KCND3: variants seen among roughly 807,000 people sequenced by gnomAD.
KCND3 encodes A-type voltage-gated potassium channel KCND3.
A neutral mutation model predicts 51.1 loss-of-function variants in KCND3; 9 were observed. The ratio of observed to expected loss-of-function variants is 0.18; its 90% CI spans 0.11 to 0.31. The LOEUF (loss-of-function observed/expected upper bound fraction) is 0.31. Among genes scored for constraint, KCND3 ranks in the 10% least tolerant of loss-of-function variants. The probability of loss-of-function intolerance (pLI) is 1.00; values close to 1 mark genes in which losing one functional copy is unlikely to be tolerated. For synonymous variants in KCND3, 349 were observed against 368.0 expected (o/e 0.95, Z 0.59); for missense variants, 526 against 903.8 (o/e 0.58, Z 5.36).
chr1:111,834,670 C>A (rs1421726769), intron 2 of KCND3, among the ~76,000 whole-genome samples: 2 of 152,138 alleles, frequency 1.3e-5, no homozygotes, highest in African/African-American at 2.4e-5. Flanking sequence ...TCAGAGACAC[C>A]AACTGTGAAA....
At chr1:111,793,278 C>A (rs1664920271) in intron 2 of KCND3, among the ~76,000 whole-genome samples, 1 of 151,164 alleles carries the variant, frequency 6.6e-6, no homozygotes, top group African/African-American at 2.4e-5. Context: ...TGGGTTCATG[C>A]CATTCTCCTG....
At chr1:111,808,377 C>T (rs563934783) in intron 2 of KCND3, among the ~76,000 whole-genome samples, 35 of 152,160 alleles carry the variant, frequency 2.3e-4, no homozygotes, top group Non-Finnish European at 4.0e-4. Context: ...TCAATGAATG[C>T]GAGAGTTAAA....
At chr1:111,861,723 G>A (rs1175609497) in intron 2 of KCND3, among the ~76,000 whole-genome samples, 2 of 152,316 alleles carry the variant, frequency 1.3e-5, no homozygotes, top group South Asian at 2.1e-4. Context: ...GCAGGGAAGA[G>A]GGGCCTGCAG....
intron 2 of KCND3, among the ~76,000 whole-genome samples, chr1:111,897,934 C>T (rs1037575156): frequency 1.1e-4 from 16 of 152,198 alleles, no homozygotes; most frequent in African/African-American, 2.7e-4. Context: ...GGGACACCAG[C>T]GGTTTCTTAC....
intron 2 of KCND3, among the ~76,000 whole-genome samples, chr1:111,923,855 C>A (rs1219800911): frequency 1.3e-5 from 2 of 152,206 alleles, no homozygotes; most frequent in Non-Finnish European, 2.9e-5. Context: ...CCTTACTCCT[C>A]CTCCTGAAGG....
At position 111,773,621 on chromosome 1, in the gene KCND3, A is replaced by C. The variant is rs1664003925; in HGVS notation, c.*2456T>G. ...TTTTTAGTAGAGATGGGGTTTCACC[A>C]TGTTGGCCAAGTTGGTCTTCAACTC... is the stretch of plus-strand genomic sequence containing the variant. On this transcript the variant is annotated 3_prime_UTR_variant, in exon 8 of 8. Coordinates refer to ENST00000302127, the MANE Select transcript of KCND3 (RefSeq NM_001378969.1). 2 of 151,936 alleles carry C rather than the reference A, an allele frequency of 1.3e-5. No individual in the cohort carries two copies. Among genetic ancestry groups the C allele is most frequent in the African/African-American group, 4.8e-5 (2 of 41,324 alleles). The allele number at this position is 151,936 out of a possible 1,614,324, so 9.4% of individuals were successfully genotyped here.
chr1:111,850,787 G>A (rs533897038), intron 2 of KCND3, among the ~76,000 whole-genome samples: 4 of 146,326 alleles, frequency 2.7e-5, no homozygotes, highest in East Asian at 1.9e-4. Flanking sequence ...CATTGTTGGC[G>A]GCAGAAAAAG....
intron 2 of KCND3, among the ~76,000 whole-genome samples, chr1:111,851,453 C>A (rs1416180364): frequency 6.6e-6 from 1 of 152,188 alleles, no homozygotes; most frequent in African/African-American, 2.4e-5. Flanking sequence ...AGCTCACATA[C>A]CTCTGTGGAA....
At chr1:111,844,495 T>C (rs1042260438) in intron 2 of KCND3, among the ~76,000 whole-genome samples, 4 of 152,148 alleles carry the variant, frequency 2.6e-5, no homozygotes, top group African/African-American at 4.8e-5. Flanking sequence ...AGCCCTGCCA[T>C]CATCCCAGCT....
chr1:111,865,647 C>T (rs1444589852), intron 2 of KCND3, among the ~76,000 whole-genome samples: 3 of 152,304 alleles, frequency 2.0e-5, no homozygotes, highest in East Asian at 3.9e-4. Flanking sequence ...AGTTATATTG[C>T]TATTGTTCAA....
At chr1:111,941,351 A>C (rs1161360963) in intron 2 of KCND3, among the ~76,000 whole-genome samples, 1 of 151,882 alleles carries the variant, frequency 6.6e-6, no homozygotes, top group Non-Finnish European at 1.5e-5. Context: ...CACCTGCCCC[A>C]GTCTCTCTGC....
chr1:111,840,384 T>A (rs1165540444), intron 2 of KCND3, among the ~76,000 whole-genome samples: 1 of 152,130 alleles, frequency 6.6e-6, no homozygotes, highest in Non-Finnish European at 1.5e-5. Flanking sequence ...AGGTGGGAAC[T>A]CCCTGCAAGC....
intron 2 of KCND3, among the ~76,000 whole-genome samples, chr1:111,948,251 G>A (rs1326188588): frequency 6.6e-6 from 1 of 152,202 alleles, no homozygotes; most frequent in Non-Finnish European, 1.5e-5. Flanking sequence ...GCTGGCCATG[G>A]GCTCCCCTGC....
chr1:111,963,703 T>C (rs1482446358), intron 2 of KCND3, among the ~76,000 whole-genome samples: 2 of 152,198 alleles, frequency 1.3e-5, no homozygotes, highest in Non-Finnish European at 2.9e-5. Context: ...GAACTGAGCC[T>C]ACCGTCATGA....
intron 2 of KCND3, among the ~76,000 whole-genome samples, chr1:111,848,674 C>A (rs1299046639): frequency 6.6e-6 from 1 of 152,162 alleles, no homozygotes; most frequent in Non-Finnish European, 1.5e-5. Context: ...GGCTGGCCCA[C>A]CCAGCAGAAG....
chr1:111,814,810 C>T (rs951161348), intron 2 of KCND3, among the ~76,000 whole-genome samples: 3 of 152,226 alleles, frequency 2.0e-5, no homozygotes, highest in Admixed American at 6.5e-5. Flanking sequence ...CCCATCCCGA[C>T]GGCTATCTCC....
rs1273157575 is a variant in KCND3 at position 111,774,340 on chromosome 1, A to G, written c.*1737T>C. 1.3e-5 allele frequency: 2 copies of G among 152,222 alleles called. No individual in the cohort carries two copies. The highest frequency in any genetic ancestry group is 4.8e-5 in the African/African-American group (2 of 41,436). 9.4% of individuals were successfully genotyped at this position (152,222 alleles called of 1,614,324 possible). A position where few individuals can be genotyped will look rare whatever the true frequency, so the allele number is the denominator to read the frequency against. On this transcript the variant is annotated 3_prime_UTR_variant, in exon 8 of 8. Coordinates refer to ENST00000302127, the MANE Select transcript of KCND3 (RefSeq NM_001378969.1). Reference sequence around the variant, plus strand: ...TAGGCAGCTCCCGAGGAGCTCATGTATTTCAGAGCCCAGGCTACAGAGACT... The same window carrying G: ...TAGGCAGCTCCCGAGGAGCTCATGTGTTTCAGAGCCCAGGCTACAGAGACT...
chr1:111,879,689 C>G (rs1339893979), intron 2 of KCND3, among the ~76,000 whole-genome samples: 1 of 152,214 alleles, frequency 6.6e-6, no homozygotes, highest in East Asian at 1.9e-4. Flanking sequence ...GACATGTAGT[C>G]TCTGCAGTTC....
chr1:111,924,173 C>T (rs933691482), intron 2 of KCND3, among the ~76,000 whole-genome samples: 2 of 152,250 alleles, frequency 1.3e-5, no homozygotes, highest in African/African-American at 4.8e-5. Flanking sequence ...GTGCCAGGCA[C>T]TGAGTGTGAG....
Sources: allele counts gnomAD v4.1 joint callset (sites outside exome capture counted in the v4.1 genomes callset), GRCh38; gene constraint gnomAD v4.1.1; transcripts MANE v1.5; gene names NCBI Gene and HGNC (gene_info 2026-07-23, HGNC 2026-07-21).